Variants in ANKS1B observed in about 807,000 individuals in gnomAD.
ANKS1B encodes ankyrin repeat and sterile alpha motif domain-containing protein 1B.
A neutral mutation model predicts 148.3 loss-of-function variants in ANKS1B; 36 were observed. The ratio of observed to expected loss-of-function variants is 0.24; its 90% CI spans 0.19 to 0.32. ANKS1B has a LOEUF of 0.32. ANKS1B is among the 10% of genes least tolerant of loss of function. The pLI, the probability that ANKS1B is intolerant of heterozygous loss-of-function variation, is 1.00. For missense variants in ANKS1B, 1,157 were observed against 1,542.6 expected, an observed-to-expected ratio of 0.75 and a Z score of 4.19; for synonymous variants, 542 against 560.8, an observed-to-expected ratio of 0.97 and a Z score of 0.47.
intron 22 of ANKS1B, among the ~76,000 whole-genome samples, chr12:98,783,822 C>A (rs540169957): frequency 1.3e-5 from 2 of 152,242 alleles, no homozygotes; most frequent in South Asian, 4.1e-4. Context: ...GTGACACAAT[C>A]AGACCTGTGT....
intron 9 of ANKS1B, among the ~76,000 whole-genome samples, chr12:99,629,620 T>G (rs2098139437): frequency 6.6e-6 from 1 of 152,160 alleles, no homozygotes; most frequent in African/African-American, 2.4e-5. Flanking sequence ...CCAATTAATT[T>G]CTGAGGTCAC....
intron 12 of ANKS1B, among the ~76,000 whole-genome samples, chr12:99,315,628 G>C (rs1021120001): frequency 8.6e-5 from 13 of 151,944 alleles, no homozygotes; most frequent in African/African-American, 2.7e-4. Context: ...GCCATTTGGT[G>C]ATTTTTTGTA....
At chr12:98,897,177 G>A (rs2152748210) in intron 17 of ANKS1B, among the ~76,000 whole-genome samples, 1 of 152,214 alleles carries the variant, frequency 6.6e-6, no homozygotes, top group Non-Finnish European at 1.5e-5. Flanking sequence ...TGTCCATGGT[G>A]GTCGTTACTG....
At chr12:98,910,789 C>T (rs1245912451) in intron 17 of ANKS1B, among the ~76,000 whole-genome samples, 2 of 152,308 alleles carry the variant, frequency 1.3e-5, no homozygotes, top group East Asian at 3.9e-4. Flanking sequence ...ATTCTATAGT[C>T]AATTGGTTCT....
chr12:99,091,071 T>C (rs936875694), intron 15 of ANKS1B, among the ~76,000 whole-genome samples: 1 of 152,152 alleles, frequency 6.6e-6, no homozygotes, highest in African/African-American at 2.4e-5. Context: ...TGTTTTTAGC[T>C]TATGAAGAAA....
intron 14 of ANKS1B, among the ~76,000 whole-genome samples, chr12:99,156,583 T>C (rs989792702): frequency 8.5e-5 from 13 of 152,206 alleles, no homozygotes; most frequent in African/African-American, 3.1e-4. Context: ...TGCTGGTCTC[T>C]AAAGGCAGCC....
At chr12:98,831,870 C>A in intron 18 of ANKS1B, 159 bp downstream of exon 18, 1 of 675,230 alleles carries the variant, frequency 1.5e-6, no homozygotes. Context: ...ATGTCTCAGC[C>A]TCCGGAGTAG....
At chr12:99,698,037 G>T (rs1235139288) in intron 8 of ANKS1B, among the ~76,000 whole-genome samples, 2 of 152,052 alleles carry the variant, frequency 1.3e-5, no homozygotes, top group African/African-American at 4.8e-5. Context: ...GGGGTGGGTA[G>T]AAAGAGCAGA....
intron 17 of ANKS1B, among the ~76,000 whole-genome samples, chr12:99,047,754 A>G (rs1437972259): frequency 6.6e-6 from 1 of 152,200 alleles, no homozygotes; most frequent in Admixed American, 6.5e-5. Flanking sequence ...AAAATGAAGT[A>G]TTTTTCAGAC....
intron 14 of ANKS1B, among the ~76,000 whole-genome samples, chr12:99,233,331 A>G (rs1349528199): frequency 6.6e-6 from 1 of 152,102 alleles, no homozygotes; most frequent in East Asian, 1.9e-4. Context: ...CTGAGTTTCT[A>G]GGTGAGGAAG....
At chr12:99,280,220 GAGAA>G (rs1013748171) in intron 12 of ANKS1B, among the ~76,000 whole-genome samples, 4 of 151,632 alleles carry the variant, frequency 2.6e-5, no homozygotes, top group African/African-American at 9.7e-5. Context: ...GAGAGAGAAA[GAGAA>G]AGAGAGATTG....
chr12:99,719,072 AGGACTGCACCCT>A (rs2057776662), intron 8 of ANKS1B, among the ~76,000 whole-genome samples: 1 of 152,200 alleles, frequency 6.6e-6, no homozygotes, highest in African/African-American at 2.4e-5. Context: ...CAGAAGAGCC[AGGACTGCACCCT>A]GTAGCCTTTC....
At position 99,984,257 on chromosome 12, in the gene ANKS1B, C is replaced by A; in HGVS notation, c.-20G>T. 3 of 1,608,676 alleles carry A rather than the reference C, an allele frequency of 1.9e-6. No homozygotes were observed. The highest frequency in any genetic ancestry group is 2.5e-6 in the Non-Finnish European group (3 of 1,177,120). On this transcript the variant is annotated 5_prime_UTR_variant, in exon 1 of 27. Transcript: ENST00000683438. Reference sequence around the variant, plus strand: ...CCCCATAGTCTCTCACCGACTCCCCCACAGAGTCCTTGCCCCCCTCGGGTC... The same window carrying A: ...CCCCATAGTCTCTCACCGACTCCCCAACAGAGTCCTTGCCCCCCTCGGGTC...
At position 99,868,652 on chromosome 12, in the gene ANKS1B, A is replaced by C. The variant is rs183642773; in HGVS notation, c.135-43263T>G. On this transcript the variant is annotated intron_variant, in intron 1 of 26. Transcript: ENST00000683438. Reference sequence around the variant, plus strand: ...TGTTTCTATATATCAGCAGTTAAAAAAAAAGTTTTTAAATGACACCATTTA... The same window carrying C: ...TGTTTCTATATATCAGCAGTTAAAACAAAAGTTTTTAAATGACACCATTTA... Among the ~76,000 whole-genome samples, 87 of 152,248 alleles carry C rather than the reference A, an allele frequency of 5.7e-4. 1 individual carries two copies. In the East Asian group the frequency reaches 0.014, roughly 24 times the overall value.
At chr12:98,915,900 C>T (rs1164354746) in intron 17 of ANKS1B, among the ~76,000 whole-genome samples, 1 of 152,158 alleles carries the variant, frequency 6.6e-6, no homozygotes, top group Non-Finnish European at 1.5e-5. Context: ...CTCTCAGCCA[C>T]CACATCTGGA....
rs1469702115 is a variant in ANKS1B, at chr12:98,745,646, T to C, written c.*93A>G. On this transcript the variant is annotated 3_prime_UTR_variant, in exon 27 of 27. Coordinates refer to ENST00000683438, the MANE Select transcript of ANKS1B (RefSeq NM_001352186.2). ...GGCCGCACGCTCAGAGCAGTCTTCCTCCTGGGCTGGGTGGACGCGGAGGCG... is the reference window on the plus strand; with the variant it reads ...GGCCGCACGCTCAGAGCAGTCTTCCCCCTGGGCTGGGTGGACGCGGAGGCG... 2 of 1,544,844 alleles carry C rather than the reference T, an allele frequency of 1.3e-6. No individual in the cohort carries two copies. Among genetic ancestry groups the C allele is most frequent in the Admixed American group, 1.9e-5 (1 of 51,916 alleles).
intron 17 of ANKS1B, among the ~76,000 whole-genome samples, chr12:98,943,094 T>G (rs1337737756): frequency 6.6e-6 from 1 of 152,232 alleles, no homozygotes; most frequent in Non-Finnish European, 1.5e-5. Flanking sequence ...TTCTTACGAT[T>G]GTACACCCTG....
At position 99,655,096 on chromosome 12, in the gene ANKS1B, T is replaced by C; in HGVS notation, c.1243A>G (p.Arg415Gly). 2 of 1,608,224 alleles carry C rather than the reference T, an allele frequency of 1.2e-6. No homozygotes were observed. The highest frequency in any genetic ancestry group is 1.7e-6 in the Non-Finnish European group (2 of 1,176,310). ...GCAAGCATGGGGAAGCCAAGGTTCC[T>C]ACATCCATTACACGGAGTTAATGCT... Reference protein sequence around the residue: ...WEALTPCNGCRNLGFPMLAQE... With the variant: ...WEALTPCNGCGNLGFPMLAQE... The change falls in exon 9 of 27, where the codon AGG becomes GGG. Residue 415 changes from arginine to glycine, a missense_variant. By Grantham distance (125) the Arg-to-Gly change is moderately radical (BLOSUM62 -2). Coordinates refer to ENST00000683438, the MANE Select transcript of ANKS1B (RefSeq NM_001352186.2).
chr12:98,866,569 C>T lies in ANKS1B; in HGVS notation c.2779-34433G>A, dbSNP rs183255156. Among the ~76,000 whole-genome samples, 203 of 152,332 alleles carry T rather than the reference C, an allele frequency of 1.3e-3. 2 individuals carry two copies. The highest frequency in any genetic ancestry group is 2.6e-3 in the Non-Finnish European group (175 of 68,034). ...ACAATATCACCTCGCCCATCCTTGA[C>T]GCTTATCCAGAGGTCTGTACATAAG... On this transcript the variant is annotated intron_variant, in intron 17 of 26. Transcript: ENST00000683438.
Sources: allele counts gnomAD v4.1 joint callset (sites outside exome capture counted in the v4.1 genomes callset), GRCh38; gene constraint gnomAD v4.1.1; transcripts MANE v1.5; gene names NCBI Gene and HGNC (gene_info 2026-07-23, HGNC 2026-07-21).